Variants in IGF2BP2 observed in about 807,000 individuals in gnomAD.
The protein encoded by IGF2BP2 is insulin like growth factor 2 mRNA binding protein 2.
In IGF2BP2, 17 loss-of-function variants were observed where a neutral mutation model predicts 75.8. The ratio of observed to expected loss-of-function variants is 0.22; its 90% CI spans 0.15 to 0.34. IGF2BP2 has a LOEUF of 0.34. IGF2BP2 is among the 10% of genes least tolerant of loss of function. The pLI is 1.00. For synonymous variants in IGF2BP2, 288 were observed against 295.6 expected (o/e 0.97, Z 0.26); for missense variants, 516 against 772.4 (o/e 0.67, Z 3.93).
chr3:185,687,562 G>C (rs1034789950), intron 6 of IGF2BP2, among the ~76,000 whole-genome samples: 3 of 152,194 alleles, frequency 2.0e-5, no homozygotes, highest in African/African-American at 7.2e-5. Context: ...GCACAGTGCC[G>C]GTCTCTGAAC....
chr3:185,649,476 T>C lies in IGF2BP2; in HGVS notation c.1520A>G (p.Glu507Gly). The change falls in exon 14 of 16, where the codon GAA (glutamate) becomes GGA (glycine). Residue 507 changes from glutamate to glycine, a missense_variant. Around this residue, in one of 3 missense-constraint regions of IGF2BP2, gnomAD observed 129 missense variants for 230.5 expected, o/e 0.56. Coordinates refer to ENST00000382199, the MANE Select transcript of IGF2BP2 (RefSeq NM_006548.6). ...TCTGATATGCGCTTCCAGCTTCACT[T>C]CTTCTTTGGGGTTAAAGAAGTTTTC... ...KEENFFNPKE[E>G]VKLEAHIRVP... The C allele has an allele frequency of 6.2e-7, 1 of 1,614,074 alleles. No homozygotes were observed. The highest frequency in any genetic ancestry group is 8.5e-7 in the Non-Finnish European group (1 of 1,180,008).
chr3:185,782,710 A>C (rs563453443), intron 2 of IGF2BP2, among the ~76,000 whole-genome samples: 1 of 152,228 alleles, frequency 6.6e-6, no homozygotes, highest in African/African-American at 2.4e-5. Context: ...AAATAGCTAC[A>C]TAACTGTGTC....
intron 13 of IGF2BP2, among the ~76,000 whole-genome samples, chr3:185,650,043 C>G (rs1714311727): frequency 6.6e-6 from 1 of 151,178 alleles, no homozygotes; most frequent in South Asian, 2.1e-4. Context: ...TTGCTCTGTG[C>G]CCAGGTTGGA....
intron 5 of IGF2BP2, among the ~76,000 whole-genome samples, chr3:185,691,668 A>G (rs1721970403): frequency 6.6e-6 from 1 of 152,084 alleles, no homozygotes; most frequent in Non-Finnish European, 1.5e-5. Context: ...GCTGGTCTCA[A>G]ACTCCTGGCT....
intron 2 of IGF2BP2, among the ~76,000 whole-genome samples, chr3:185,778,190 G>A (rs377524146): frequency 3.9e-5 from 6 of 152,190 alleles, no homozygotes; most frequent in Non-Finnish European, 5.9e-5. Flanking sequence ...GCTGGAGCAC[G>A]TCTTGGCAGC....
At chr3:185,789,397 C>T (rs1736323527) in intron 2 of IGF2BP2, among the ~76,000 whole-genome samples, 1 of 152,094 alleles carries the variant, frequency 6.6e-6, no homozygotes, top group Non-Finnish European at 1.5e-5. Context: ...TGGGATTTGT[C>T]AAACTTAAGC....
intron 2 of IGF2BP2, among the ~76,000 whole-genome samples, chr3:185,776,996 A>G (rs1391285053): frequency 1.3e-5 from 2 of 152,230 alleles, no homozygotes; most frequent in Non-Finnish European, 2.9e-5. Flanking sequence ...GAAAGAAAGT[A>G]GGGTTAAAAT....
rs960715326 is a variant in IGF2BP2, at chr3:185,695,667, G to A, written c.340+945C>T. ...CACTGTTTTCCTTTTAAAAATCATAGTATTTCATGCTTTAGAAGATAAAAA... is the reference window on the plus strand; with the variant it reads ...CACTGTTTTCCTTTTAAAAATCATAATATTTCATGCTTTAGAAGATAAAAA... On this transcript the variant is annotated intron_variant, in intron 4 of 15. Coordinates refer to ENST00000382199, the MANE Select transcript of IGF2BP2 (RefSeq NM_006548.6). 2.7e-3 allele frequency among the ~76,000 whole-genome samples: 405 copies of A among 152,294 alleles called. 4 individuals carry two copies. The highest frequency in any genetic ancestry group is 4.2e-3 in the East Asian group (22 of 5,190).
chr3:185,822,343 G>T (rs9862583), intron 2 of IGF2BP2, among the ~76,000 whole-genome samples: 8 of 151,974 alleles, frequency 5.3e-5, no homozygotes, highest in African/African-American at 1.7e-4. Flanking sequence ...ACACACAGCA[G>T]AAGAAAAAAA....
chr3:185,740,435 C>T (rs891930988), intron 2 of IGF2BP2, among the ~76,000 whole-genome samples: 4 of 152,200 alleles, frequency 2.6e-5, no homozygotes, highest in Non-Finnish European at 5.9e-5. Flanking sequence ...CTATTTTCTC[C>T]TTCATATTAA....
intron 2 of IGF2BP2, chr3:185,713,512 C>T (rs1380466551): frequency 1.9e-6 from 1 of 519,694 alleles, no homozygotes; most frequent in Admixed American, 1.9e-5. Context: ...ACTCCAAAGG[C>T]AGGGGTTTGA....
At chr3:185,737,827 G>A (rs753425732) in intron 2 of IGF2BP2, among the ~76,000 whole-genome samples, 1 of 152,170 alleles carries the variant, frequency 6.6e-6, no homozygotes, top group African/African-American at 2.4e-5. Context: ...ACTTGGTTTG[G>A]ATCACAGAAT....
chr3:185,772,376 AC>A (rs1397041421), intron 2 of IGF2BP2, among the ~76,000 whole-genome samples: 1 of 152,142 alleles, frequency 6.6e-6, no homozygotes, highest in Non-Finnish European at 1.5e-5. Flanking sequence ...AACCTTCCAC[AC>A]GATATCTAAA....
rs911599635 is a variant in IGF2BP2 at position 185,645,210 on chromosome 3, G to T, written c.*321C>A. On this transcript the variant is annotated 3_prime_UTR_variant, in exon 16 of 16. Coordinates refer to ENST00000382199, the MANE Select transcript of IGF2BP2 (RefSeq NM_006548.6). The surrounding 1 kb of genome is among the most constrained non-coding windows in gnomAD (Gnocchi z 4.9). ...GCTTTGAACACGTTCACCTATGTTA[G>T]TTCAACTAAAAGGGATAGCGTCGTG... 5.2e-5 allele frequency: 19 copies of T among 368,810 alleles called. No homozygotes were observed. Among genetic ancestry groups the T allele is most frequent in the Admixed American group, 2.8e-4 (7 of 25,292 alleles). The allele number at this position is 368,810 out of a possible 1,614,324, so 22.8% of individuals were successfully genotyped here.
At chr3:185,800,868 A>G (rs1211151493) in intron 2 of IGF2BP2, among the ~76,000 whole-genome samples, 2 of 152,196 alleles carry the variant, frequency 1.3e-5, no homozygotes, top group Non-Finnish European at 2.9e-5. Flanking sequence ...GACAAATGGG[A>G]TCTAATTAAA....
At chr3:185,697,086 T>C (rs1722679785) in intron 3 of IGF2BP2, among the ~76,000 whole-genome samples, 1 of 150,310 alleles carries the variant, frequency 6.7e-6, no homozygotes, top group Non-Finnish European at 1.5e-5. Context: ...TGTTCCATAA[T>C]AATCAGGTTT....
intron 13 of IGF2BP2, among the ~76,000 whole-genome samples, chr3:185,651,254 G>A (rs1714551462): frequency 6.6e-6 from 1 of 152,132 alleles, no homozygotes; most frequent in South Asian, 2.1e-4. Flanking sequence ...TTCGTGTGAT[G>A]GTCACCCATG....
intron 2 of IGF2BP2, among the ~76,000 whole-genome samples, chr3:185,820,228 A>G (rs1303671635): frequency 1.2e-5 from 1 of 82,686 alleles, no homozygotes; most frequent in African/African-American, 9.2e-5. Flanking sequence ...ATGTGTATAT[A>G]TACACATACA....
rs534616058 is a variant in IGF2BP2, at chr3:185,694,084, T to C, written c.341-1322A>G. On this transcript the variant is annotated intron_variant, in intron 4 of 15. Coordinates refer to ENST00000382199, the MANE Select transcript of IGF2BP2 (RefSeq NM_006548.6). Reference sequence around the variant, plus strand: ...ATGGGTTGCAGGGAGTTGTATGTAATGCTCAGAAAGAGCTGCCACTGAGAA... The same window carrying C: ...ATGGGTTGCAGGGAGTTGTATGTAACGCTCAGAAAGAGCTGCCACTGAGAA... 3.3e-5 allele frequency among the ~76,000 whole-genome samples: 5 copies of C among 152,318 alleles called. No homozygotes were observed. In the South Asian group the frequency reaches 1.0e-3, roughly 32 times the overall value.
Sources: allele counts gnomAD v4.1 joint callset (sites outside exome capture counted in the v4.1 genomes callset), GRCh38; gene constraint gnomAD v4.1.1; regional missense constraint gnomAD v4.1.1; non-coding constraint Gnocchi (gnomAD v3.1); transcripts MANE v1.5; gene names NCBI Gene and HGNC (gene_info 2026-07-23, HGNC 2026-07-21).